The following SPAG17 variants were observed in gnomAD, a reference collection of about 807,000 sequenced individuals.
The protein encoded by SPAG17 is sperm associated antigen 17, also known as sperm-associated antigen 17.
SPAG17 carries 169 observed loss-of-function variants against 273.6 expected under a neutral mutation model. The observed-to-expected ratio is 0.62, with a 90% CI of 0.55 to 0.70. The LOEUF is 0.70. SPAG17 is among the 30% of genes least tolerant of loss of function. The probability of loss-of-function intolerance (pLI) is 0.00; values close to 1 mark genes in which losing one functional copy is unlikely to be tolerated. For missense variants in SPAG17, 2,557 were observed against 2,627.8 expected (o/e 0.97, Z 0.59); for synonymous variants, 825 against 873.2 (o/e 0.94, Z 0.97).
intron 1 of SPAG17, among the ~76,000 whole-genome samples, chr1:118,184,667 C>A (rs773070984): frequency 1.3e-5 from 2 of 152,152 alleles, no homozygotes; most frequent in Non-Finnish European, 2.9e-5. Flanking sequence ...TTTATTAAAG[C>A]CCTATTATGG....
intron 3 of SPAG17, among the ~76,000 whole-genome samples, chr1:118,130,613 C>T (rs1045313063): frequency 2.6e-5 from 4 of 152,082 alleles, no homozygotes; most frequent in African/African-American, 4.8e-5. Flanking sequence ...ACCCCACTTT[C>T]CCCAGTCCTT....
intron 15 of SPAG17, among the ~76,000 whole-genome samples, chr1:118,078,994 T>TAA (rs1276482353): frequency 6.6e-6 from 1 of 152,104 alleles, no homozygotes; most frequent in East Asian, 1.9e-4. Context: ...GCATCTATGT[T>TAA]CGTGAATGAG....
Position 117,996,438 on chromosome 1 carries a change from T to C in SPAG17, c.4985A>G (p.Glu1662Gly). Residue 1662 changes from glutamate to glycine, a missense_variant, in exon 34 of 49, where the codon GAA becomes GGA. Glu to Gly is a moderately conservative substitution (Grantham distance 98, BLOSUM62 -2). Coordinates refer to ENST00000336338, the MANE Select transcript of SPAG17 (RefSeq NM_206996.4). ...MELLRDSDIE[E>G]YLSLAYKESN... ...TTCTTTATATGCCAAAGATAGATAT[T>C]CTTCTATGTCACTGTCTCGAAGAAG... 6.2e-7 allele frequency: 1 copy of C among 1,613,112 alleles called. No homozygotes were observed. Among genetic ancestry groups the C allele is most frequent in the Non-Finnish European group, 8.5e-7 (1 of 1,179,408 alleles).
chr1:118,094,701 C>G (rs1469780802), intron 7 of SPAG17, among the ~76,000 whole-genome samples: 1 of 152,120 alleles, frequency 6.6e-6, no homozygotes, highest in East Asian at 1.9e-4. Flanking sequence ...TGTGATCTTA[C>G]CTATTAAATT....
chr1:117,958,889 TGTG>T, intron 48 of SPAG17: 1 of 1,608,024 alleles, frequency 6.2e-7, no homozygotes, highest in Non-Finnish European at 8.5e-7. Context: ...GCAACATGGC[TGTG>T]TTTTGTTTTT....
chr1:117,956,771 A>G (rs547610725), intron 48 of SPAG17, among the ~76,000 whole-genome samples: 1 of 152,364 alleles, frequency 6.6e-6, no homozygotes, highest in South Asian at 2.1e-4. Flanking sequence ...TGGTAAAAGA[A>G]TATCATATGA....
At chr1:118,008,730 G>A (rs1659163944) in intron 30 of SPAG17, among the ~76,000 whole-genome samples, 1 of 151,936 alleles carries the variant, frequency 6.6e-6, no homozygotes, top group Non-Finnish European at 1.5e-5. Context: ...TGTAATTACT[G>A]TACTGTCATT....
chr1:118,124,428 C>T (rs925442777), intron 3 of SPAG17, among the ~76,000 whole-genome samples: 1 of 152,184 alleles, frequency 6.6e-6, no homozygotes, highest in African/African-American at 2.4e-5. Flanking sequence ...TCAGATTCAT[C>T]TTTTGAAATC....
At chr1:118,149,640 C>T (rs1473034043) in intron 3 of SPAG17, among the ~76,000 whole-genome samples, 3 of 152,090 alleles carry the variant, frequency 2.0e-5, no homozygotes, top group Non-Finnish European at 4.4e-5. Flanking sequence ...TGAATAAATC[C>T]AATGAAACTT....
At chr1:118,084,717 C>T (rs1654850190) in intron 13 of SPAG17, among the ~76,000 whole-genome samples, 1 of 152,142 alleles carries the variant, frequency 6.6e-6, no homozygotes, top group African/African-American at 2.4e-5. Context: ...GCAGATTGTA[C>T]CATCAGACTT....
chr1:117,990,827 A>G (rs750013882), intron 38 of SPAG17, 34 bp downstream of exon 38: 2 of 1,441,834 alleles, frequency 1.4e-6, no homozygotes, highest in Non-Finnish European at 1.9e-6. Flanking sequence ...GAAACTTGTA[A>G]ATATACTGCA....
At chr1:118,040,883 A>G (rs1649674981) in intron 21 of SPAG17, 42 bp from the exon 22 acceptor site, 5 of 1,333,118 alleles carry the variant, frequency 3.8e-6, no homozygotes, top group Non-Finnish European at 5.4e-6. Flanking sequence ...AAGCTGCAAT[A>G]GACAAAAAAT....
In SPAG17 at chr1:118,093,148, A is replaced by G. The variant is rs776352048; in HGVS notation, c.1173+8T>C. On this transcript the variant is annotated splice_region_variant and intron_variant, in intron 8 of 48. Coordinates refer to ENST00000336338, the MANE Select transcript of SPAG17 (RefSeq NM_206996.4). ...TCATCCCACTAAAGACATTGAGCCC[A>G]TGCCTACCTCTGAAGTTGGCATGGC... 9.3e-6 allele frequency: 15 copies of G among 1,611,590 alleles called. No homozygotes were observed. The highest frequency in any genetic ancestry group is 1.3e-5 in the Non-Finnish European group (15 of 1,178,862).
At chr1:118,068,051 C>T (rs565551264) in intron 17 of SPAG17, among the ~76,000 whole-genome samples, 35 of 152,178 alleles carry the variant, frequency 2.3e-4, no homozygotes, top group African/African-American at 8.4e-4. Context: ...ATAAATTAGA[C>T]AGCTGTGGGC....
At chr1:118,081,058 T>TACACACACACACACACAC (rs56768861) in intron 15 of SPAG17, 43 bp downstream of exon 15, 1 of 1,058,820 alleles carries the variant, frequency 9.4e-7, no homozygotes, top group African/African-American at 1.6e-5. Context: ...AATAGTGTCT[T>TACACACACACACACACAC]ACACACACAC....
chr1:118,167,306 A>T (rs956494081), intron 1 of SPAG17, among the ~76,000 whole-genome samples: 1 of 152,188 alleles, frequency 6.6e-6, no homozygotes, highest in Non-Finnish European at 1.5e-5. Context: ...TAATAAATTA[A>T]TCAATTTTTA....
chr1:117,982,372 G>T (rs1655932074), intron 42 of SPAG17, among the ~76,000 whole-genome samples: 2 of 151,492 alleles, frequency 1.3e-5, no homozygotes, highest in Admixed American at 1.3e-4. Flanking sequence ...CTCCCTAGTA[G>T]TTGGGACTAC....
At chr1:118,094,766 T>A (rs1210069428) in intron 7 of SPAG17, among the ~76,000 whole-genome samples, 2 of 152,186 alleles carry the variant, frequency 1.3e-5, no homozygotes, top group Non-Finnish European at 2.9e-5. Context: ...TTCAAGACTT[T>A]CCCTCCCCAT....
intron 42 of SPAG17, among the ~76,000 whole-genome samples, chr1:117,983,225 A>C (rs1656028565): frequency 6.6e-6 from 1 of 152,144 alleles, no homozygotes. Flanking sequence ...GATCTCATGA[A>C]ACTTATTCAC....
Sources: gnomAD v4.1 joint callset for allele counts (sites outside exome capture counted in the v4.1 genomes callset) on GRCh38, gnomAD v4.1.1 for gene constraint, MANE v1.5 for transcripts, NCBI Gene and HGNC (gene_info 2026-07-23, HGNC 2026-07-21) for gene names.